SBK1: variants seen among roughly 807,000 people sequenced by gnomAD.
SBK1 encodes serine/threonine-protein kinase SBK1.
In SBK1, 11 loss-of-function variants were observed where a neutral mutation model predicts 24.4. The ratio of observed to expected loss-of-function variants is 0.45; its 90% CI spans 0.28 to 0.75. The LOEUF is 0.75. Ranked by LOEUF, SBK1 falls within the 30% of genes least tolerant of loss-of-function variation. SBK1 has a pLI of 0.12. For synonymous variants in SBK1, 308 were observed against 284.4 expected (o/e 1.08, Z -0.83); for missense variants, 467 against 620.5 (o/e 0.75, Z 2.63).
At chr16:28,271,431 C>T (rs2044464897) in intron 1 of SBK1, among the ~76,000 whole-genome samples, 1 of 152,044 alleles carries the variant, frequency 6.6e-6, no homozygotes, top group Admixed American at 6.6e-5. Flanking sequence ...GTGGCACACG[C>T]CTGTAATCTC....
chr16:28,260,012 A>G (rs181581608), intron 1 of SBK1, among the ~76,000 whole-genome samples: 11 of 152,080 alleles, frequency 7.2e-5, no homozygotes, highest in Non-Finnish European at 1.3e-4. Context: ...TCCATCCTGC[A>G]CTGCAGTGGC....
chr16:28,268,802 C>A (rs2044445603), intron 1 of SBK1, among the ~76,000 whole-genome samples: 1 of 152,002 alleles, frequency 6.6e-6, no homozygotes, highest in Admixed American at 6.6e-5. Context: ...TAGGCAGCCA[C>A]TTTGGTGTTG....
chr16:28,320,916 G>A lies in SBK1; in HGVS notation c.1270G>A (p.Val424Ile). Residue 424 changes from valine (V) to isoleucine (I), a missense_variant, in exon 4 of 4, where the codon GTC (valine) becomes ATC (isoleucine). By Grantham distance (29) the Val-to-Ile change is conservative (BLOSUM62 3). Around this residue, in one of 4 missense-constraint regions of SBK1, gnomAD observed 166 missense variants for 146.8 expected, o/e 1.13. Transcript: ENST00000341901. The surrounding 1 kb of genome is among the most constrained non-coding windows in gnomAD (Gnocchi z 8.5). ...VVLATAIEIC[V>I] ...GCTGGCCACGGCCATCGAGATCTGCGTCTGAGTCGCCTCCGCCGCCCTCGG... is the reference window on the plus strand; with the variant it reads ...GCTGGCCACGGCCATCGAGATCTGCATCTGAGTCGCCTCCGCCGCCCTCGG... 1 of 1,475,640 alleles carries A rather than the reference G, an allele frequency of 6.8e-7. No individual in the cohort carries two copies. Among genetic ancestry groups the A allele is most frequent in the Non-Finnish European group, 8.9e-7 (1 of 1,117,884 alleles). The allele number at this position is 1,475,640 out of a possible 1,614,324, so 91.4% of individuals were successfully genotyped here. A position where few individuals can be genotyped will look rare whatever the true frequency, so the allele number is the denominator to read the frequency against.
At chr16:28,274,516 G>A (rs1286195740) in intron 1 of SBK1, among the ~76,000 whole-genome samples, 1 of 152,102 alleles carries the variant, frequency 6.6e-6, no homozygotes, top group Non-Finnish European at 1.5e-5. Context: ...GCCAGGCATG[G>A]TGGTGGGTGC....
intron 1 of SBK1, among the ~76,000 whole-genome samples, chr16:28,283,028 G>A (rs1006982638): frequency 4.6e-5 from 7 of 152,076 alleles, no homozygotes; most frequent in Admixed American, 2.0e-4. Flanking sequence ...TGCCTCCCGG[G>A]TTCAAGCGAT....
intron 1 of SBK1, among the ~76,000 whole-genome samples, chr16:28,308,802 G>C (rs2044734944): frequency 6.7e-6 from 1 of 149,232 alleles, no homozygotes; most frequent in Non-Finnish European, 1.5e-5. Context: ...TTAATTGATA[G>C]AGATGGGGTC....
Position 28,321,659 on chromosome 16 carries a change from A to T in SBK1, c.*738A>T, listed in dbSNP as rs935635824. ...CAAATGAAATCACAGCCCAGGAGGG[A>T]GGGTAGCTTGGCACTGGCTGAGAAA... On this transcript the variant is annotated 3_prime_UTR_variant, in exon 4 of 4. Transcript: ENST00000341901. The T allele has an allele frequency of 6.5e-6, 1 of 152,738 alleles. No individual in the cohort carries two copies. Among genetic ancestry groups the T allele is most frequent in the Non-Finnish European group, 1.5e-5 (1 of 68,168 alleles). The allele number at this position is 152,738 out of a possible 1,614,324, so 9.5% of individuals were successfully genotyped here. A position where few individuals can be genotyped will look rare whatever the true frequency, so the allele number is the denominator to read the frequency against.
chr16:28,309,297 CA>C (rs1567678622), intron 1 of SBK1, among the ~76,000 whole-genome samples: 2 of 152,284 alleles, frequency 1.3e-5, no homozygotes, highest in East Asian at 3.9e-4. Flanking sequence ...AGTGGGGAGC[CA>C]GTCACATGGC....
At chr16:28,272,619 CTT>C (rs71140961) in intron 1 of SBK1, among the ~76,000 whole-genome samples, 1 of 105,960 alleles carries the variant, frequency 9.4e-6, no homozygotes, top group Non-Finnish European at 1.9e-5. Context: ...TTCTTTCTTT[CTT>C]TTTTTTTTTT....
intron 1 of SBK1, among the ~76,000 whole-genome samples, chr16:28,284,336 G>A (rs1182186938): frequency 6.6e-6 from 1 of 152,250 alleles, no homozygotes; most frequent in Admixed American, 6.5e-5. Flanking sequence ...CCATGCCTGT[G>A]GAGGAGCTGG....
chr16:28,314,347 T>C (rs71389900), intron 1 of SBK1, among the ~76,000 whole-genome samples: 1 of 83,778 alleles, frequency 1.2e-5, no homozygotes, highest in South Asian at 5.0e-4. Context: ...TTTTTTTTTG[T>C]GGAGACAGGG....
At chr16:28,311,122 C>T (rs1004218703) in intron 1 of SBK1, among the ~76,000 whole-genome samples, 2 of 152,126 alleles carry the variant, frequency 1.3e-5, no homozygotes, top group Non-Finnish European at 2.9e-5. Flanking sequence ...GGGGGACTCC[C>T]AAAGCTGAGC....
intron 1 of SBK1, among the ~76,000 whole-genome samples, chr16:28,269,397 T>C (rs1319765113): frequency 6.6e-6 from 1 of 151,362 alleles, no homozygotes; most frequent in Admixed American, 6.6e-5. Context: ...AGATGGGAAA[T>C]AGGAAAGAAA....
intron 1 of SBK1, among the ~76,000 whole-genome samples, chr16:28,260,829 G>T (rs769409853): frequency 6.6e-6 from 1 of 152,170 alleles, no homozygotes; most frequent in Non-Finnish European, 1.5e-5. Flanking sequence ...ATGGGCGTGG[G>T]TGCACAGTGC....
chr16:28,317,514 C>T lies in SBK1; in HGVS notation c.123C>T (p.Leu41=). ...LLTEDMQALT[L]RTLAASDVTK... ...CTGAAGACATGCAGGCCCTGACTCT[C>T]CGCACACTGGCCGCCAGCGACGTCA... The change falls in exon 2 of 4, where the codon CTC becomes CTT. Residue 41 remains leucine, a synonymous_variant. Transcript: ENST00000341901. This position sits in a 1 kb window ranked among gnomAD's most constrained non-coding sequence, Gnocchi z 4.2. The T allele has an allele frequency of 1.2e-6, 2 of 1,614,194 alleles. No homozygotes were observed. The highest frequency in any genetic ancestry group is 2.2e-5 in the South Asian group (2 of 91,090).
At chr16:28,284,278 C>T (rs926007433) in intron 1 of SBK1, among the ~76,000 whole-genome samples, 1 of 152,248 alleles carries the variant, frequency 6.6e-6, no homozygotes, top group African/African-American at 2.4e-5. Context: ...CCAGACAGCA[C>T]TTGTTTCCTG....
intron 1 of SBK1, among the ~76,000 whole-genome samples, chr16:28,260,834 C>T (rs775815431): frequency 6.6e-6 from 1 of 152,124 alleles, no homozygotes; most frequent in Non-Finnish European, 1.5e-5. Flanking sequence ...CGTGGGTGCA[C>T]AGTGCCTAGG....
At position 28,317,429 on chromosome 16, in the gene SBK1, C is replaced by G. The variant is rs758909153; in HGVS notation, c.38C>G (p.Ser13Cys). The G allele has an allele frequency of 2.5e-6, 4 of 1,614,006 alleles. No homozygotes were observed. Among genetic ancestry groups the G allele is most frequent in the Non-Finnish European group, 3.4e-6 (4 of 1,180,020 alleles). Residue 13 changes from serine (S) to cysteine (C), a missense_variant, in exon 2 of 4, where the codon TCC (serine) becomes TGC (cysteine). Ser to Cys is a moderately radical substitution (Grantham distance 112). Transcript: ENST00000341901. This position sits in a 1 kb window ranked among gnomAD's most constrained non-coding sequence, Gnocchi z 4.2. ...VGCPEPEPPR[S>C]LTCCGPGTAP... is the part of the protein sequence containing the mutation. Reference sequence around the variant, plus strand: ...TGCCCAGAGCCTGAGCCGCCCCGCTCCCTGACCTGCTGTGGGCCGGGGACT... The same window carrying G: ...TGCCCAGAGCCTGAGCCGCCCCGCTGCCTGACCTGCTGTGGGCCGGGGACT...
chr16:28,266,623 T>A (rs1333604751), intron 1 of SBK1, among the ~76,000 whole-genome samples: 1 of 152,042 alleles, frequency 6.6e-6, no homozygotes, highest in Non-Finnish European at 1.5e-5. Flanking sequence ...CCCATTTCTT[T>A]GATTTTTCCA....
Sources: gnomAD v4.1 joint callset for allele counts (sites outside exome capture counted in the v4.1 genomes callset) on GRCh38, gnomAD v4.1.1 for gene constraint, gnomAD v4.1.1 regional missense constraint, Gnocchi (gnomAD v3.1) non-coding constraint, MANE v1.5 for transcripts, NCBI Gene and HGNC (gene_info 2026-07-23, HGNC 2026-07-21) for gene names.